Variants in SMARCA4 observed in about 807,000 individuals in gnomAD.
The protein encoded by SMARCA4 is SWI/SNF related BAF chromatin remodeling complex subunit ATPase 4.
SMARCA4 carries 31 observed loss-of-function variants against 193.9 expected under a neutral mutation model. The ratio of observed to expected loss-of-function variants is 0.16; its 90% CI spans 0.12 to 0.22. The LOEUF is 0.22. SMARCA4 is among the 10% of genes least tolerant of loss of function. The probability of loss-of-function intolerance (pLI) is 1.00; values close to 1 mark genes in which losing one functional copy is unlikely to be tolerated. For missense variants in SMARCA4, 1,148 were observed against 2,296.0 expected (o/e 0.50, Z 10.22); for synonymous variants, 942 against 933.1 (o/e 1.01, Z -0.17).
At chr19:11,024,303 C>T (rs747407015) in intron 20 of SMARCA4, 28 bp from the exon 21 acceptor site, 1 of 1,532,268 alleles carries the variant, frequency 6.5e-7, no homozygotes, top group African/African-American at 1.4e-5. Context: ...CACCTTGGGC[C>T]CTCGTGAGCA....
intron 14 of SMARCA4, among the ~76,000 whole-genome samples, chr19:11,009,283 G>C (rs1339978175): frequency 6.6e-6 from 1 of 151,930 alleles, no homozygotes; most frequent in African/African-American, 2.4e-5. Context: ...AGCTCCCAAA[G>C]TGCTGGGATT....
At position 11,021,880 on chromosome 19, in the gene SMARCA4, G is replaced by C. The variant is rs1464060000; in HGVS notation, c.2772G>C (p.Leu924=). ...LQNKLPELWA[L]LNFLLPTIFK... ...ACAAGCTTCCCGAGCTCTGGGCGCT[G>C]CTCAACTTCCTGCTGCCCACCATCT... Residue 924 remains leucine (L), a synonymous_variant, in exon 19 of 35, where the codon CTG becomes CTC. Transcript: ENST00000344626. 1 of 1,613,834 alleles carries C rather than the reference G, an allele frequency of 6.2e-7. No homozygotes were observed.
intron 1 of SMARCA4, among the ~76,000 whole-genome samples, chr19:10,976,250 C>T (rs2085115260): frequency 6.6e-6 from 1 of 152,164 alleles, no homozygotes. Context: ...CCTTAGACAC[C>T]TTTCCTGGCC....
At position 11,039,453 on chromosome 19, in the gene SMARCA4, T is replaced by C. The variant is rs1157173095; in HGVS notation, c.4171-1854T>C. ...CTAAACAGACATTAAAAAATTTTGT[T>C]GTAGAAAATTACAGGAAAAGATATC... is the stretch of plus-strand genomic sequence containing the variant. On this transcript the variant is annotated intron_variant, in intron 29 of 34. Transcript: ENST00000344626. The C allele has an allele frequency of 6.9e-6, 11 of 1,584,990 alleles. No homozygotes were observed. Among genetic ancestry groups the C allele is most frequent in the Non-Finnish European group, 9.4e-6 (11 of 1,164,418 alleles).
In SMARCA4 at chr19:11,041,746, A is replaced by G. The variant is rs2075628368; in HGVS notation, c.4424+186A>G. 6.6e-6 allele frequency among the ~76,000 whole-genome samples: 1 copy of G among 152,172 alleles called. No homozygotes were observed. The highest frequency in any genetic ancestry group is 2.4e-5 in the African/African-American group (1 of 41,430). On this transcript the variant is annotated intron_variant, in intron 30 of 34. Transcript: ENST00000344626. The surrounding 1 kb of genome is among the most constrained non-coding windows in gnomAD (Gnocchi z 5.6). The stretch of plus-strand genomic sequence containing the variant: ...AACATGCTTTCTGGAACAGGGAAGC[A>G]CACATGTATCTGCGGTGATGAGAGG...
In SMARCA4 at chr19:10,987,691, C is replaced by G. The variant is rs1060504429; in HGVS notation, c.885C>G (p.Pro295=). The part of the protein sequence containing the change: ...PEGPMANAAA[P]TSTPQKLIPP... ...GACCCATGGCGAATGCTGCTGCCCC[C>G]ACGAGCACCCCTCAGAAGCTGATTC... is the stretch of plus-strand genomic sequence containing the variant. The change falls in exon 6 of 35, where the codon CCC becomes CCG. Residue 295 remains proline, a synonymous_variant. Transcript: ENST00000344626. This position sits in a 1 kb window ranked among gnomAD's most constrained non-coding sequence, Gnocchi z 5.3. The G allele has an allele frequency of 5.0e-6, 8 of 1,612,844 alleles. No individual in the cohort carries two copies. The highest frequency in any genetic ancestry group is 5.1e-6 in the Non-Finnish European group (6 of 1,179,660).
intron 14 of SMARCA4, among the ~76,000 whole-genome samples, chr19:11,008,563 T>C (rs2088474401): frequency 1.3e-5 from 2 of 152,242 alleles, no homozygotes; most frequent in South Asian, 4.1e-4. Flanking sequence ...TTTCGTAGCC[T>C]GTCCTTTGGT....
intron 30 of SMARCA4, among the ~76,000 whole-genome samples, chr19:11,047,214 A>T (rs1196307875): frequency 6.6e-6 from 1 of 152,144 alleles, no homozygotes; most frequent in Non-Finnish European, 1.5e-5. Flanking sequence ...GCAAGGCTAC[A>T]GATTAAAATC....
intron 22 of SMARCA4, chr19:11,025,765 C>G (rs981958192): frequency 1.2e-4 from 59 of 500,772 alleles, no homozygotes; most frequent in Non-Finnish European, 1.8e-4. Flanking sequence ...GGAGACTTCT[C>G]TGGGGATGTG....
rs1291938544 is a variant in SMARCA4, at chr19:11,010,488, A to G, written c.2231A>G (p.Lys744Arg). 6.2e-7 allele frequency: 1 copy of G among 1,614,008 alleles called. No homozygotes were observed. Among genetic ancestry groups the G allele is most frequent in the Admixed American group, 1.7e-5 (1 of 60,002 alleles). Residue 744 changes from lysine (K) to arginine (R), a missense_variant, in exon 15 of 35, where the codon AAG becomes AGG. This residue lies in a region of SMARCA4 where 9 missense variants were observed against 16.2 expected (regional missense o/e 0.56). Transcript: ENST00000344626. The part of the protein sequence containing the change: ...VAHAVTERVD[K>R]QSALMVNGVL... ...CATGCTGTCACTGAGAGAGTGGACA[A>G]GCAGTCAGCGCTTATGGTCAATGGT...
chr19:10,987,299 C>T lies in SMARCA4; in HGVS notation c.859+296C>T, dbSNP rs566789764. The stretch of plus-strand genomic sequence containing the variant: ...TGTTGGGCTCAAAGAGGCAGTGGGA[C>T]TCATTACCCATCCTCTTGGAGCCTG... On this transcript the variant is annotated intron_variant, in intron 5 of 34. Coordinates refer to ENST00000344626, the MANE Select transcript of SMARCA4 (RefSeq NM_003072.5). The surrounding 1 kb of genome is among the most constrained non-coding windows in gnomAD (Gnocchi z 5.3). Among the ~76,000 whole-genome samples, 11 of 152,318 alleles carry T rather than the reference C, an allele frequency of 7.2e-5. No individual in the cohort carries two copies. Among genetic ancestry groups the T allele is most frequent in the African/African-American group, 2.6e-4 (11 of 41,566 alleles).
At chr19:11,008,842 C>T (rs1008201016) in intron 14 of SMARCA4, among the ~76,000 whole-genome samples, 7 of 151,448 alleles carry the variant, frequency 4.6e-5, no homozygotes, top group Admixed American at 3.3e-4. Context: ...GGCGTGGTGG[C>T]GTGCACCTGG....
At chr19:10,997,145 G>T (rs945137777) in intron 11 of SMARCA4, among the ~76,000 whole-genome samples, 1 of 151,788 alleles carries the variant, frequency 6.6e-6, no homozygotes, top group Non-Finnish European at 1.5e-5. Flanking sequence ...TCAGCCTCCT[G>T]AGTAGCTGGG....
chr19:10,987,138 G>A lies in SMARCA4; in HGVS notation c.859+135G>A. The A allele has an allele frequency of 4.3e-6, 3 of 704,044 alleles. No homozygotes were observed. The highest frequency in any genetic ancestry group is 7.6e-6 in the Non-Finnish European group (3 of 393,460). The allele number at this position is 704,044 out of a possible 1,614,324, so 43.6% of individuals were successfully genotyped here. ...AACTGCAGCCTGTACTTTTCTTGTG[G>A]TGGTCCCCGGGTCTCCCCTGTAGCC... is the stretch of plus-strand genomic sequence containing the variant. On this transcript the variant is annotated intron_variant, in intron 5 of 34. Coordinates refer to ENST00000344626, the MANE Select transcript of SMARCA4 (RefSeq NM_003072.5). This position sits in a 1 kb window ranked among gnomAD's most constrained non-coding sequence, Gnocchi z 5.3.
chr19:11,051,605 T>C (rs1341260685), intron 30 of SMARCA4, among the ~76,000 whole-genome samples: 4 of 151,728 alleles, frequency 2.6e-5, no homozygotes, highest in East Asian at 2.0e-4. Context: ...ATTCTCCTGT[T>C]TCAGCCTCCC....
chr19:10,984,201 C>G lies in SMARCA4; in HGVS notation c.50C>G (p.Ser17Cys). 1 of 1,612,480 alleles carries G rather than the reference C, an allele frequency of 6.2e-7. No individual in the cohort carries two copies. The highest frequency in any genetic ancestry group is 8.5e-7 in the Non-Finnish European group (1 of 1,178,968). Residue 17 changes from serine to cysteine, a missense_variant, in exon 2 of 35, where the codon TCC (serine) becomes TGC (cysteine). Around this residue, in one of 17 missense-constraint regions of SMARCA4, gnomAD observed 201 missense variants for 248.3 expected, o/e 0.81. Transcript: ENST00000344626. The surrounding 1 kb of genome is among the most constrained non-coding windows in gnomAD (Gnocchi z 4.3). ...GGCGGAACTCCTCGGCCAGGTCCTT[C>G]CCCGGGCCCTGGCCCTTCCCCTGGA... The part of the protein sequence containing the change: ...PLGGTPRPGP[S>C]PGPGPSPGAM...
At chr19:10,970,301 T>A (rs1322014683) in intron 1 of SMARCA4, among the ~76,000 whole-genome samples, 1 of 152,224 alleles carries the variant, frequency 6.6e-6, no homozygotes, top group Non-Finnish European at 1.5e-5. Context: ...TGGGCGCTGC[T>A]TTAGCAAATC....
intron 30 of SMARCA4, among the ~76,000 whole-genome samples, chr19:11,054,590 C>T (rs1477628418): frequency 6.6e-6 from 1 of 152,130 alleles, no homozygotes; most frequent in South Asian, 2.1e-4. Flanking sequence ...GTCAGGAGTT[C>T]GAGACCAGCC....
Position 11,019,106 on chromosome 19 carries a change from C to A in SMARCA4, c.2505+83C>A. 2 of 1,037,138 alleles carry A rather than the reference C, an allele frequency of 1.9e-6. No individual in the cohort carries two copies. The highest frequency in any genetic ancestry group is 3.1e-6 in the Non-Finnish European group (2 of 655,174). The allele number at this position is 1,037,138 out of a possible 1,614,324, so 64.2% of individuals were successfully genotyped here. A position where few individuals can be genotyped will look rare whatever the true frequency, so the allele number is the denominator to read the frequency against. On this transcript the variant is annotated intron_variant, in intron 17 of 34. Coordinates refer to ENST00000344626, the MANE Select transcript of SMARCA4 (RefSeq NM_003072.5). The surrounding 1 kb of genome is among the most constrained non-coding windows in gnomAD (Gnocchi z 6.1). The stretch of plus-strand genomic sequence containing the variant: ...CAGGACGTCCACACATACCTCTGGA[C>A]AGTGAACCTGAGAATGCTGGGTCTC...
Sources: gnomAD v4.1 joint callset for allele counts (sites outside exome capture counted in the v4.1 genomes callset) on GRCh38, gnomAD v4.1.1 for gene constraint, gnomAD v4.1.1 regional missense constraint, Gnocchi (gnomAD v3.1) non-coding constraint, MANE v1.5 for transcripts, NCBI Gene and HGNC (gene_info 2026-07-23, HGNC 2026-07-21) for gene names.